Variants in C1orf146 observed in about 807,000 individuals in gnomAD.
C1orf146 encodes chromosome 1 open reading frame 146, also known as protein SPO16 homolog.
A neutral mutation model predicts 23.0 loss-of-function variants in C1orf146; 22 were observed. The observed-to-expected ratio is 0.96, with a 90% CI of 0.68 to 1.36. The LOEUF is 1.36. C1orf146 is among the 40% of genes most tolerant of loss of function. The pLI is 0.00. For missense variants in C1orf146, 199 were observed against 206.8 expected (o/e 0.96, Z 0.23); for synonymous variants, 59 against 65.3 (o/e 0.90, Z 0.47).
At chr1:92,234,810 A>C (rs1367227697) in intron 2 of C1orf146, among the ~76,000 whole-genome samples, 4 of 152,322 alleles carry the variant, frequency 2.6e-5, no homozygotes, top group Admixed American at 2.0e-4. Context: ...GTCTATTCAG[A>C]GATTCAACTT....
Position 92,226,847 on chromosome 1 carries a change from G to A in C1orf146, c.-39-4535G>A, listed in dbSNP as rs58748376. Among the ~76,000 whole-genome samples the A allele has an allele frequency of 2.7e-3, 412 of 151,880 alleles. 1 individual carries two copies. The highest frequency in any genetic ancestry group is 8.9e-3 in the African/African-American group (370 of 41,424). ...TTATATGTTCTTTTTTCTCTCTCTAGCCTGCTTTTGGACTTCTGAAGTGTT... is the reference window on the plus strand; with the variant it reads ...TTATATGTTCTTTTTTCTCTCTCTAACCTGCTTTTGGACTTCTGAAGTGTT... On this transcript the variant is annotated intron_variant, in intron 1 of 5. Transcript: ENST00000370375.
chr1:92,236,694 T>C (rs1379334693), intron 2 of C1orf146, among the ~76,000 whole-genome samples: 1 of 152,234 alleles, frequency 6.6e-6, no homozygotes, highest in African/African-American at 2.4e-5. Context: ...GATAATATGC[T>C]GCAGAGTGTT....
chr1:92,233,170 G>A (rs772012868), intron 2 of C1orf146, among the ~76,000 whole-genome samples: 5 of 152,076 alleles, frequency 3.3e-5, no homozygotes, highest in Non-Finnish European at 7.4e-5. Context: ...TATTGTAGAC[G>A]TGAAGTCCTT....
intron 2 of C1orf146, chr1:92,240,927 A>G: frequency 2.2e-6 from 1 of 463,868 alleles, no homozygotes; most frequent in East Asian, 7.3e-5. Flanking sequence ...ATCAGGTGAT[A>G]TTTGAAATGG....
intron 2 of C1orf146, among the ~76,000 whole-genome samples, chr1:92,234,754 G>C (rs1486678497): frequency 6.6e-6 from 1 of 152,162 alleles, no homozygotes; most frequent in Admixed American, 6.5e-5. Flanking sequence ...ACTCTTTTTG[G>C]TTGGTAAGCT....
intron 2 of C1orf146, among the ~76,000 whole-genome samples, chr1:92,241,912 G>T (rs1308883015): frequency 6.6e-6 from 1 of 152,136 alleles, no homozygotes; most frequent in Non-Finnish European, 1.5e-5. Flanking sequence ...AAAAGAAAAA[G>T]AAATTTGCAT....
At position 92,245,573 on chromosome 1, in the gene C1orf146, T is replaced by TAC. The variant is rs766805850; in HGVS notation, c.444_445dup (p.Arg149ThrfsTer3). 1.3e-6 allele frequency: 2 copies of TAC among 1,598,052 alleles called. No individual in the cohort carries two copies. Among genetic ancestry groups the TAC allele is most frequent in the Non-Finnish European group, 1.7e-6 (2 of 1,174,382 alleles). On this transcript the variant is annotated frameshift_variant, in exon 6 of 6. Transcript: ENST00000370375. LOFTEE classifies it high-confidence loss of function. ...CAAACCATACATAGATAGCATTTGC[T>TAC]ACAGAATGATAACAGCTAAAGCTTA...
At chr1:92,227,267 G>A (rs1244122350) in intron 1 of C1orf146, among the ~76,000 whole-genome samples, 1 of 152,146 alleles carries the variant, frequency 6.6e-6, no homozygotes, top group African/African-American at 2.4e-5. Flanking sequence ...ATTTGGCCGG[G>A]CGTGGTGGCT....
chr1:92,226,132 A>G (rs1651960871), intron 1 of C1orf146, among the ~76,000 whole-genome samples: 1 of 152,190 alleles, frequency 6.6e-6, no homozygotes, highest in African/African-American at 2.4e-5. Context: ...CCATTTTGCT[A>G]TTTAGTTTCT....
At chr1:92,232,506 T>C (rs1160458095) in intron 2 of C1orf146, among the ~76,000 whole-genome samples, 5 of 152,068 alleles carry the variant, frequency 3.3e-5, no homozygotes, top group Non-Finnish European at 7.4e-5. Context: ...ATCCAGTCTA[T>C]CATTGTTGGA....
chr1:92,235,595 G>A (rs977372322), intron 2 of C1orf146, among the ~76,000 whole-genome samples: 11 of 152,222 alleles, frequency 7.2e-5, no homozygotes, highest in Non-Finnish European at 1.3e-4. Flanking sequence ...TGTTGATTTG[G>A]GGTGGAGAGT....
intron 1 of C1orf146, among the ~76,000 whole-genome samples, chr1:92,227,423 C>T (rs538856178): frequency 2.6e-5 from 4 of 152,218 alleles, no homozygotes; most frequent in South Asian, 2.1e-4. Context: ...CCTGTAGTCC[C>T]AGCTACTCAG....
chr1:92,242,136 CTT>C (rs1323884828), intron 2 of C1orf146, 74 bp from the exon 3 acceptor site: 2 of 688,576 alleles, frequency 2.9e-6, no homozygotes, highest in Non-Finnish European at 4.7e-6. Flanking sequence ...ACATATTAAA[CTT>C]TTAATTTTTT....
intron 1 of C1orf146, among the ~76,000 whole-genome samples, chr1:92,219,340 T>G (rs1035443279): frequency 1.2e-4 from 19 of 152,212 alleles, no homozygotes; most frequent in African/African-American, 4.1e-4. Context: ...CTAGTTAACT[T>G]CTCATTCATT....
At chr1:92,233,191 A>G (rs1476738273) in intron 2 of C1orf146, among the ~76,000 whole-genome samples, 2 of 152,142 alleles carry the variant, frequency 1.3e-5, no homozygotes, top group African/African-American at 4.8e-5. Flanking sequence ...GCCCATGCCT[A>G]TGTCTTGGGT....
chr1:92,229,993 T>A (rs577337856), intron 1 of C1orf146, among the ~76,000 whole-genome samples: 5 of 152,310 alleles, frequency 3.3e-5, no homozygotes, highest in African/African-American at 1.2e-4. Flanking sequence ...ATACGTATAC[T>A]ATAAACTTTA....
At position 92,244,245 on chromosome 1, in the gene C1orf146, G is replaced by A. The variant is rs779107058; in HGVS notation, c.189G>A (p.Lys63=). The stretch of plus-strand genomic sequence containing the variant: ...TTGCATTTTTATTAATGGATACTAA[G>A]GAATGTCTTCTGTCAACTGAAGAAA... ...SGVAFLLMDT[K]ECLLSTEEIF... Residue 63 remains lysine, a synonymous_variant, in exon 4 of 6, where the codon AAG becomes AAA. Coordinates refer to ENST00000370375, the MANE Select transcript of C1orf146 (RefSeq NM_001012425.2). The A allele has an allele frequency of 1.9e-6, 3 of 1,599,448 alleles. No homozygotes were observed. The highest frequency in any genetic ancestry group is 3.4e-5 in the Admixed American group (2 of 58,528).
intron 1 of C1orf146, among the ~76,000 whole-genome samples, chr1:92,223,283 A>T (rs1651879197): frequency 6.6e-6 from 1 of 152,200 alleles, no homozygotes; most frequent in Admixed American, 6.5e-5. Context: ...TTAGTAGTGT[A>T]TGAGAGTTCT....
intron 2 of C1orf146, among the ~76,000 whole-genome samples, chr1:92,240,323 A>G (rs1389226404): frequency 1.1e-5 from 1 of 93,076 alleles, no homozygotes; most frequent in Non-Finnish European, 2.3e-5. Flanking sequence ...TTGGCCTTAT[A>G]ATTTTTTACT....
Sources: allele counts gnomAD v4.1 joint callset (sites outside exome capture counted in the v4.1 genomes callset), GRCh38; gene constraint gnomAD v4.1.1; transcripts MANE v1.5; gene names NCBI Gene and HGNC (gene_info 2026-07-23, HGNC 2026-07-21).